ZDHHC17: variants seen among roughly 807,000 people sequenced by gnomAD.
ZDHHC17 encodes the protein palmitoyltransferase ZDHHC17.
Under a neutral mutation model 90.3 loss-of-function variants are expected in ZDHHC17, and 40 were observed. The observed-to-expected ratio is 0.44, with a 90% confidence interval of 0.34 to 0.58. The LOEUF (loss-of-function observed/expected upper bound fraction) is 0.58. Among genes scored for constraint, ZDHHC17 ranks in the 20% least tolerant of loss-of-function variants. The pLI is 0.01. For synonymous variants in ZDHHC17, 235 were observed against 252.4 expected, an observed-to-expected ratio of 0.93 and a Z score of 0.65; for missense variants, 614 against 780.8, an observed-to-expected ratio of 0.79 and a Z score of 2.55.
chr12:76,844,069 A>G (rs1303380943), intron 12 of ZDHHC17: 1 of 152,170 alleles, frequency 6.6e-6, no homozygotes, highest in East Asian at 1.9e-4. Context: ...CTTAATATTT[A>G]GAATGTTTTA....
intron 1 of ZDHHC17, among the ~76,000 whole-genome samples, chr12:76,780,971 C>CAA (rs1301468887): frequency 1.2e-4 from 16 of 138,982 alleles, no homozygotes; most frequent in Non-Finnish European, 1.9e-4. Flanking sequence ...ACTAAAAATA[C>CAA]AAAAAAAAAA....
rs1953587692 is a variant in ZDHHC17 at position 76,853,454 on chromosome 12, TTTG to T, written c.*2475_*2477del. ...CTTGGAGTTTTTTTTCATTCATATTTTTGTTGTTTCCAGGAATTTATTTGATAT... is the reference window on the plus strand; with the variant it reads ...CTTGGAGTTTTTTTTCATTCATATTTTTGTTTCCAGGAATTTATTTGATAT... On this transcript the variant is annotated 3_prime_UTR_variant, in exon 17 of 17. Transcript: ENST00000426126. The T allele has an allele frequency of 1.3e-5, 2 of 152,548 alleles. No individual in the cohort carries two copies. The highest frequency in any genetic ancestry group is 2.9e-5 in the Non-Finnish European group (2 of 67,984). 9.4% of individuals were successfully genotyped at this position (152,548 alleles called of 1,614,324 possible). A position where few individuals can be genotyped will look rare whatever the true frequency, so the allele number is the denominator to read the frequency against.
In ZDHHC17 at chr12:76,850,888, G is replaced by A. The variant is rs761412488; in HGVS notation, c.1802G>A (p.Arg601Gln). The A allele has an allele frequency of 1.3e-5, 21 of 1,613,722 alleles. No individual in the cohort carries two copies. Among genetic ancestry groups the A allele is most frequent in the Admixed American group, 1.0e-4 (6 of 59,982 alleles). ...AATATTATAGACTTCTTTGAATTTC[G>A]ATGCTGTGGCCTCTTTCGTCCTGTT... is the stretch of plus-strand genomic sequence containing the variant. ...VRNIIDFFEF[R>Q]CCGLFRPVIV... Residue 601 changes from arginine to glutamine, a missense_variant, in exon 17 of 17, where the codon CGA becomes CAA. By Grantham distance (43) the Arg-to-Gln change is conservative. Transcript: ENST00000426126.
At chr12:76,772,989 T>A (rs1952514049) in intron 1 of ZDHHC17, among the ~76,000 whole-genome samples, 1 of 152,042 alleles carries the variant, frequency 6.6e-6, no homozygotes, top group South Asian at 2.1e-4. Context: ...CCCTCCCGAG[T>A]ACCTCTACAA....
intron 8 of ZDHHC17, among the ~76,000 whole-genome samples, chr12:76,823,298 G>T (rs189819373): frequency 1.8e-4 from 27 of 152,224 alleles, no homozygotes; most frequent in Non-Finnish European, 3.5e-4. Flanking sequence ...GTGATATGTT[G>T]TATACCTTTT....
intron 1 of ZDHHC17, among the ~76,000 whole-genome samples, chr12:76,779,378 G>A (rs894568718): frequency 2.6e-5 from 4 of 152,126 alleles, no homozygotes; most frequent in African/African-American, 9.7e-5. Context: ...GGCTGGGGAG[G>A]CCTCACAATC....
At chr12:76,769,094 T>C (rs1034814379) in intron 1 of ZDHHC17, 5 of 428,836 alleles carry the variant, frequency 1.2e-5, no homozygotes, top group Non-Finnish European at 2.3e-5. Context: ...GTTGCGCTCT[T>C]GTTGCCCAGG....
intron 1 of ZDHHC17, among the ~76,000 whole-genome samples, chr12:76,776,009 T>G (rs557675215): frequency 6.6e-6 from 1 of 152,280 alleles, no homozygotes; most frequent in South Asian, 2.1e-4. Context: ...TGTGAGAGGT[T>G]AATTAGCTTG....
intron 10 of ZDHHC17, among the ~76,000 whole-genome samples, chr12:76,838,682 A>G (rs1488284158): frequency 6.6e-6 from 1 of 152,128 alleles, no homozygotes; most frequent in Non-Finnish European, 1.5e-5. Flanking sequence ...CCATCCCCTC[A>G]ATTTTGTTAA....
At chr12:76,787,734 T>A (rs1169996609) in intron 1 of ZDHHC17, among the ~76,000 whole-genome samples, 1 of 152,156 alleles carries the variant, frequency 6.6e-6, no homozygotes, top group Non-Finnish European at 1.5e-5. Flanking sequence ...TTTAACATTG[T>A]GGCTGGATAT....
chr12:76,769,425 T>C (rs1420127275), intron 1 of ZDHHC17, among the ~76,000 whole-genome samples: 2 of 152,192 alleles, frequency 1.3e-5, no homozygotes, highest in East Asian at 3.8e-4. Context: ...ATTATGTATA[T>C]ATTATATGTG....
chr12:76,764,834 C>T (rs1333860347), intron 1 of ZDHHC17: 12 of 456,324 alleles, frequency 2.6e-5, no homozygotes, highest in Non-Finnish European at 1.3e-5. Context: ...GGTAGCACCT[C>T]GGGCACCTTG....
At chr12:76,773,047 G>A (rs1261037597) in intron 1 of ZDHHC17, among the ~76,000 whole-genome samples, 2 of 151,908 alleles carry the variant, frequency 1.3e-5, no homozygotes, top group South Asian at 2.1e-4. Flanking sequence ...TAGTAGAGAC[G>A]GGATTTCACC....
intron 2 of ZDHHC17, among the ~76,000 whole-genome samples, chr12:76,803,258 AG>A (rs1252389401): frequency 2.0e-5 from 3 of 152,118 alleles, no homozygotes; most frequent in Non-Finnish European, 2.9e-5. Context: ...GTCTCAAAAA[AG>A]AAAAAAAAAA....
chr12:76,770,263 A>G (rs1952477750), intron 1 of ZDHHC17, among the ~76,000 whole-genome samples: 1 of 152,228 alleles, frequency 6.6e-6, no homozygotes, highest in Non-Finnish European at 1.5e-5. Context: ...GTATGCATAT[A>G]TTAGAGTGGC....
chr12:76,774,440 G>T (rs964803536), intron 1 of ZDHHC17, among the ~76,000 whole-genome samples: 2 of 151,120 alleles, frequency 1.3e-5, no homozygotes, highest in Admixed American at 6.6e-5. Flanking sequence ...AGTAGTCTCA[G>T]TATTAAATCT....
rs753513805 is a variant in ZDHHC17, at chr12:76,849,371, C to T, written c.1666-5C>T. 1 of 1,220,802 alleles carries T rather than the reference C, an allele frequency of 8.2e-7. No individual in the cohort carries two copies. The highest frequency in any genetic ancestry group is 1.1e-6 in the Non-Finnish European group (1 of 883,416). 75.6% of individuals were successfully genotyped at this position (1,220,802 alleles called of 1,614,324 possible). On this transcript the variant is annotated splice_region_variant and splice_polypyrimidine_tract_variant and intron_variant, in intron 15 of 16. Transcript: ENST00000426126. ...AATAATGGTTTGCTTTTTCTTTCCTCTTAGATATCATGTTTAGGTATTACT... is the reference window on the plus strand; with the variant it reads ...AATAATGGTTTGCTTTTTCTTTCCTTTTAGATATCATGTTTAGGTATTACT...
At chr12:76,803,041 C>T (rs551691655) in intron 2 of ZDHHC17, among the ~76,000 whole-genome samples, 2 of 152,196 alleles carry the variant, frequency 1.3e-5, no homozygotes, top group South Asian at 4.1e-4. Context: ...CGCTTGAGCC[C>T]AGGAGTTCAA....
At position 76,851,318 on chromosome 12, in the gene ZDHHC17, C is replaced by T; in HGVS notation, c.*333C>T. On this transcript the variant is annotated 3_prime_UTR_variant, in exon 17 of 17. Transcript: ENST00000426126. Reference sequence around the variant, plus strand: ...TTATTCTATTGACAGACATGGTGTACTGATCAGAAATGTTCAGTTTTAACT... The same window carrying T: ...TTATTCTATTGACAGACATGGTGTATTGATCAGAAATGTTCAGTTTTAACT... 1 of 278,682 alleles carries T rather than the reference C, an allele frequency of 3.6e-6. No homozygotes were observed. Among genetic ancestry groups the T allele is most frequent in the Non-Finnish European group, 6.8e-6 (1 of 146,812 alleles). The allele number at this position is 278,682 out of a possible 1,614,324, so 17.3% of individuals were successfully genotyped here. A position where few individuals can be genotyped will look rare whatever the true frequency, so the allele number is the denominator to read the frequency against.
Sources: gnomAD v4.1 joint callset for allele counts (sites outside exome capture counted in the v4.1 genomes callset) on GRCh38, gnomAD v4.1.1 for gene constraint, MANE v1.5 for transcripts, NCBI Gene and HGNC (gene_info 2026-07-23, HGNC 2026-07-21) for gene names.